The following WDR27 variants were observed in gnomAD, a reference collection of about 807,000 sequenced individuals.
The protein encoded by WDR27 is WD repeat domain 27.
In WDR27, 100 loss-of-function variants were observed where a neutral mutation model predicts 114.4. That is an observed-to-expected ratio of 0.87 (90% CI 0.74 to 1.03). The LOEUF (loss-of-function observed/expected upper bound fraction) is 1.03. WDR27 is among the 50% of genes least tolerant of loss of function. The probability of loss-of-function intolerance (pLI) is 0.00; values close to 1 mark genes in which losing one functional copy is unlikely to be tolerated. For synonymous variants in WDR27, 449 were observed against 423.1 expected (o/e 1.06, Z -0.75); for missense variants, 1,129 against 1,092.9 (o/e 1.03, Z -0.47).
the WDR27 span, among the ~76,000 whole-genome samples, chr6:169,439,055 C>T: frequency 1.3e-5 from 2 of 152,040 alleles, no homozygotes; most frequent in Non-Finnish European, 2.9e-5. Context: ...AATTTAAGTA[C>T]TTTTAAGCTT....
At chr6:169,665,330 C>G in intron 7 of WDR27, 156 bp downstream of exon 7, 1 of 1,412,378 alleles carries the variant, frequency 7.1e-7, no homozygotes, top group Non-Finnish European at 9.2e-7. Context: ...CACAGTGACG[C>G]TGAGACCCAC....
intron 17 of WDR27, among the ~76,000 whole-genome samples, chr6:169,641,043 G>A (rs1819016493): frequency 6.6e-6 from 1 of 152,182 alleles, no homozygotes; most frequent in South Asian, 2.1e-4. Flanking sequence ...TTTGCTGCAC[G>A]TCCAGTGGCC....
intron 23 of WDR27, among the ~76,000 whole-genome samples, chr6:169,584,817 G>A (rs1804236353): frequency 1.3e-5 from 2 of 152,048 alleles, no homozygotes; most frequent in Admixed American, 6.6e-5. Flanking sequence ...ACCCTTATCA[G>A]GTATGTGGTT....
intron 23 of WDR27, among the ~76,000 whole-genome samples, chr6:169,595,532 T>C (rs2128160538): frequency 6.6e-6 from 1 of 152,310 alleles, no homozygotes; most frequent in Admixed American, 6.5e-5. Flanking sequence ...AGTTTACAAT[T>C]CTATTGTCAG....
chr6:169,469,084 A>C (rs980580540), intron 25 of WDR27, among the ~76,000 whole-genome samples: 1 of 152,174 alleles, frequency 6.6e-6, no homozygotes, highest in African/African-American at 2.4e-5. Flanking sequence ...GGCCTTCCAC[A>C]TATAAATTTT....
intron 17 of WDR27, among the ~76,000 whole-genome samples, chr6:169,642,219 G>GT (rs1819370086): frequency 6.6e-6 from 1 of 152,106 alleles, no homozygotes. Context: ...TATTTTCAAC[G>GT]TTGAGCGATG....
At chr6:169,507,804 T>A (rs193050537) in intron 25 of WDR27, among the ~76,000 whole-genome samples, 184 of 152,350 alleles carry the variant, frequency 1.2e-3, no homozygotes, top group African/African-American at 4.1e-3. Flanking sequence ...GTACATATTG[T>A]CTGTGGCTTT....
chr6:169,462,984 T>C (rs919175314), intron 25 of WDR27, among the ~76,000 whole-genome samples: 6 of 152,204 alleles, frequency 3.9e-5, no homozygotes, highest in African/African-American at 1.2e-4. Flanking sequence ...AAAAGCTGTA[T>C]ATATTACTTC....
At chr6:169,552,218 A>C (rs767184548) in intron 25 of WDR27, among the ~76,000 whole-genome samples, 3 of 152,138 alleles carry the variant, frequency 2.0e-5, no homozygotes, top group Non-Finnish European at 4.4e-5. Flanking sequence ...ACACATGCAG[A>C]GTCGCTGTCC....
At chr6:169,477,687 C>T (rs1787374813) in intron 25 of WDR27, among the ~76,000 whole-genome samples, 1 of 152,190 alleles carries the variant, frequency 6.6e-6, no homozygotes. Flanking sequence ...GATCCACCCA[C>T]CTTGGCCTCA....
At chr6:169,471,463 G>T (rs541022542) in intron 25 of WDR27, among the ~76,000 whole-genome samples, 1 of 152,062 alleles carries the variant, frequency 6.6e-6, no homozygotes, top group African/African-American at 2.4e-5. Flanking sequence ...TCATTTTCAT[G>T]AGTTTGATTT....
chr6:169,688,846 T>C lies in WDR27; in HGVS notation c.160A>G (p.Ile54Val), dbSNP rs1339589177. 6.2e-7 allele frequency: 1 copy of C among 1,611,388 alleles called. No homozygotes were observed. The highest frequency in any genetic ancestry group is 1.1e-5 in the South Asian group (1 of 90,406). ...TGAGAAGGATCCTTAGTGTTCCATA[T>C]ACAAAGTTCAGTTCCATCCAAAGGG... is the stretch of plus-strand genomic sequence containing the variant. The part of the protein sequence containing the change: ...AFPLDGTELC[I>V]WNTKDPSHQL... The change falls in exon 2 of 26, where the codon ATA (isoleucine) becomes GTA (valine). Residue 54 changes from isoleucine (I) to valine (V), a missense_variant. Coordinates refer to ENST00000448612, the MANE Select transcript of WDR27 (RefSeq NM_182552.5).
chr6:169,501,815 G>T (rs1434599029), intron 25 of WDR27, among the ~76,000 whole-genome samples: 2 of 152,180 alleles, frequency 1.3e-5, no homozygotes, highest in Non-Finnish European at 2.9e-5. Flanking sequence ...TGGTGGAGAC[G>T]GGCGCGCCCC....
intron 25 of WDR27, among the ~76,000 whole-genome samples, chr6:169,521,435 A>G (rs944826704): frequency 1.3e-5 from 2 of 152,126 alleles, no homozygotes; most frequent in Non-Finnish European, 2.9e-5. Context: ...AACACTTAAC[A>G]TGCAAGAAGA....
chr6:169,470,580 G>A (rs1786235752), intron 25 of WDR27, among the ~76,000 whole-genome samples: 1 of 152,202 alleles, frequency 6.6e-6, no homozygotes, highest in Non-Finnish European at 1.5e-5. Flanking sequence ...GACTTGCGCG[G>A]TTGCCTTCTC....
intron 25 of WDR27, among the ~76,000 whole-genome samples, chr6:169,543,658 T>C (rs1160421056): frequency 6.6e-6 from 1 of 152,156 alleles, no homozygotes; most frequent in Admixed American, 6.5e-5. Flanking sequence ...GTTGTTTGGG[T>C]TGAAGATATG....
intron 2 of WDR27, among the ~76,000 whole-genome samples, chr6:169,672,941 G>A (rs908590360): frequency 3.3e-5 from 5 of 152,178 alleles, no homozygotes; most frequent in African/African-American, 4.8e-5. Flanking sequence ...GACTAGATTT[G>A]TTTTCCAGGA....
At position 169,638,524 on chromosome 6, in the gene WDR27, A is replaced by T. The variant is rs1159981543; in HGVS notation, c.1869+15T>A. 6.2e-7 allele frequency: 1 copy of T among 1,610,274 alleles called. No individual in the cohort carries two copies. Among genetic ancestry groups the T allele is most frequent in the Non-Finnish European group, 8.5e-7 (1 of 1,178,896 alleles). On this transcript the variant is annotated intron_variant, in intron 18 of 25. Coordinates refer to ENST00000448612, the MANE Select transcript of WDR27 (RefSeq NM_182552.5). ...TTGGAAATGACTGCCCATGGCAGAG[A>T]TGACTGTCCATTACCAGAAGCAGTG...
intron 23 of WDR27, among the ~76,000 whole-genome samples, chr6:169,598,246 T>G (rs1807231065): frequency 6.6e-6 from 1 of 152,224 alleles, no homozygotes; most frequent in Non-Finnish European, 1.5e-5. Context: ...AGTGTTGTCT[T>G]AGTCTGTTTT....
Sources: allele counts gnomAD v4.1 joint callset (sites outside exome capture counted in the v4.1 genomes callset), GRCh38; gene constraint gnomAD v4.1.1; transcripts MANE v1.5; gene names NCBI Gene and HGNC (gene_info 2026-07-23, HGNC 2026-07-21).